FASTKD3: variants seen among roughly 807,000 people sequenced by gnomAD.
The protein encoded by FASTKD3 is FAST kinase domain-containing protein 3, mitochondrial.
Under a neutral mutation model 49.7 loss-of-function variants are expected in FASTKD3, and 47 were observed. The ratio of observed to expected loss-of-function variants is 0.95; its 90% CI spans 0.75 to 1.21. The LOEUF (loss-of-function observed/expected upper bound fraction) is 1.21, where lower values mean the gene tolerates loss of function less well. FASTKD3 is among the 50% of genes most tolerant of loss of function. The pLI is 0.00. For missense variants in FASTKD3, 748 were observed against 765.7 expected (o/e 0.98, Z 0.27); for synonymous variants, 284 against 288.6 (o/e 0.98, Z 0.16).
chr5:7,861,744 C>T (rs768296653), intron 4 of FASTKD3, 92 bp from the exon 5 acceptor site: 70 of 1,526,390 alleles, frequency 4.6e-5, no homozygotes, highest in Non-Finnish European at 5.9e-5. Context: ...TTGATTCCTT[C>T]CACCTTGCAT....
chr5:7,861,196 C>T lies in FASTKD3; in HGVS notation c.1837G>A (p.Ala613Thr). The change falls in exon 6 of 7, where the codon GCT becomes ACT. Residue 613 changes from alanine (A) to threonine (T), a missense_variant. Ala to Thr is a moderately conservative substitution (Grantham distance 58, BLOSUM62 0). Transcript: ENST00000264669. ...AACTGTAGGTGTCTTTGTTTAATAG[C>T]TTCTTTCCCCAGTAAGTGTTTGCTA... ...SNSKHLLGKEAIKQRHLQLLG... is the reference protein window; with the variant it reads ...SNSKHLLGKETIKQRHLQLLG... 1 of 1,612,692 alleles carries T rather than the reference C, an allele frequency of 6.2e-7. No homozygotes were observed. The highest frequency in any genetic ancestry group is 1.7e-5 in the Admixed American group (1 of 60,014).
At chr5:7,863,308 T>G in intron 3 of FASTKD3, 1 of 301,818 alleles carries the variant, frequency 3.3e-6, no homozygotes, top group Non-Finnish European at 6.2e-6. Flanking sequence ...ATAATAATGC[T>G]AACAGTTCAA....
At chr5:7,863,192 C>T (rs1325206247) in intron 3 of FASTKD3, 195 bp from the exon 4 acceptor site, 5 of 569,710 alleles carry the variant, frequency 8.8e-6, no homozygotes, top group African/African-American at 1.9e-5. Flanking sequence ...TCTAATAGTT[C>T]AAAATGTCTT....
Position 7,868,161 on chromosome 5 carries a change from C to A in FASTKD3, c.-78G>T. 1.4e-6 allele frequency: 1 copy of A among 700,596 alleles called. No homozygotes were observed. Among genetic ancestry groups the A allele is most frequent in the Non-Finnish European group, 2.1e-6 (1 of 466,318 alleles). 43.4% of individuals were successfully genotyped at this position (700,596 alleles called of 1,614,324 possible). On this transcript the variant is annotated 5_prime_UTR_variant, in exon 2 of 7. Coordinates refer to ENST00000264669, the MANE Select transcript of FASTKD3 (RefSeq NM_024091.4). ...TTAAATACATTGAGAACATGATTGA[C>A]CCAACATCAATGTTTATGAAACTAC... is the stretch of plus-strand genomic sequence containing the variant.
chr5:7,863,851 T>C (rs760782424), intron 3 of FASTKD3, among the ~76,000 whole-genome samples: 2 of 152,070 alleles, frequency 1.3e-5, no homozygotes, highest in Non-Finnish European at 2.9e-5. Flanking sequence ...TTTTTGTTTG[T>C]TTTTGTTTTT....
At position 7,866,810 on chromosome 5, in the gene FASTKD3, G is replaced by A. The variant is rs1188742726; in HGVS notation, c.1274C>T (p.Ala425Val). Residue 425 changes from alanine (A) to valine (V), a missense_variant, in exon 2 of 7, where the codon GCC (alanine) becomes GTC (valine). Transcript: ENST00000264669. Reference protein sequence around the residue: ...FGKLNYLPPNASALFRKLENV... With the variant: ...FGKLNYLPPNVSALFRKLENV... ...TTCCAGCTTTCTAAATAAAGCAGAG[G>A]CATTTGGTGGCAAATAATTGAGTTT... is the stretch of plus-strand genomic sequence containing the variant. 3.1e-6 allele frequency: 5 copies of A among 1,614,144 alleles called. No individual in the cohort carries two copies. Among genetic ancestry groups the A allele is most frequent in the Admixed American group, 1.7e-5 (1 of 60,018 alleles).
chr5:7,860,451 G>A (rs1014698635), intron 6 of FASTKD3, among the ~76,000 whole-genome samples: 1 of 152,130 alleles, frequency 6.6e-6, no homozygotes, highest in African/African-American at 2.4e-5. Context: ...AATTAAAACA[G>A]AACATATATT....
chr5:7,864,270 A>G (rs988964553), intron 3 of FASTKD3, among the ~76,000 whole-genome samples: 1 of 147,770 alleles, frequency 6.8e-6, no homozygotes, highest in Non-Finnish European at 1.5e-5. Context: ...CAACATGAAC[A>G]TAATAAGTAT....
Position 7,866,798 on chromosome 5 carries a change from A to T in FASTKD3, c.1286T>A (p.Phe429Tyr). ...NYLPPNASAL[F>Y]RKLENVLFTH... is the part of the protein sequence containing the mutation. Reference sequence around the variant, plus strand: ...GAATAGCACGTTTTCCAGCTTTCTAAATAAAGCAGAGGCATTTGGTGGCAA... The same window carrying T: ...GAATAGCACGTTTTCCAGCTTTCTATATAAAGCAGAGGCATTTGGTGGCAA... Residue 429 changes from phenylalanine (F) to tyrosine (Y), a missense_variant, in exon 2 of 7, where the codon TTT (phenylalanine) becomes TAT (tyrosine). This residue lies in a region of FASTKD3 where 564 missense variants were observed against 562.8 expected (regional missense o/e 1.00). Transcript: ENST00000264669. 1 of 1,614,198 alleles carries T rather than the reference A, an allele frequency of 6.2e-7. No individual in the cohort carries two copies. The highest frequency in any genetic ancestry group is 1.1e-5 in the South Asian group (1 of 91,072).
chr5:7,865,825 A>G, intron 3 of FASTKD3, 73 bp downstream of exon 3: 4 of 1,162,182 alleles, frequency 3.4e-6, no homozygotes, highest in Non-Finnish European at 5.2e-6. Flanking sequence ...ATTGAGACAG[A>G]TCAGAAGTAA....
rs34274545 is a variant in FASTKD3, at chr5:7,868,200, G to GAAAAA, written c.-113-9_-113-5dup. On this transcript the variant is annotated splice_polypyrimidine_tract_variant and splice_region_variant and intron_variant, in intron 1 of 6. Transcript: ENST00000264669. ...TTATGAAACTACAAACGAGTATCTGGAAAAAAAAAAAAAAAAAAAAAAAGG... is the reference window on the plus strand; with the variant it reads ...TTATGAAACTACAAACGAGTATCTGGAAAAAAAAAAAAAAAAAAAAAAAAAAAAGG... 5 of 225,018 alleles carry GAAAAA rather than the reference G, an allele frequency of 2.2e-5. No homozygotes were observed. The highest frequency in any genetic ancestry group is 1.1e-4 in the South Asian group (1 of 8,708). 13.9% of individuals were successfully genotyped at this position (225,018 alleles called of 1,614,324 possible).
In FASTKD3 at chr5:7,862,886, TAGTC is replaced by T; in HGVS notation, c.1632_1635del (p.Asn546PhefsTer2). 6.2e-7 allele frequency: 1 copy of T among 1,614,108 alleles called. No homozygotes were observed. Among genetic ancestry groups the T allele is most frequent in the Non-Finnish European group, 8.5e-7 (1 of 1,179,966 alleles). On this transcript the variant is annotated frameshift_variant, in exon 4 of 7. Coordinates refer to ENST00000264669, the MANE Select transcript of FASTKD3 (RefSeq NM_024091.4). LOFTEE classifies it high-confidence loss of function. ...AAATATAATCTTGCTCCTAAAAGGT[TAGTC>T]AGCCCAATCTTCACATATCTATAAA...
intron 4 of FASTKD3, 141 bp from the exon 5 acceptor site, chr5:7,861,793 A>G: frequency 7.2e-7 from 1 of 1,397,916 alleles, no homozygotes; most frequent in Non-Finnish European, 9.3e-7. Context: ...AATGACCACA[A>G]CCAAACAATG....
Position 7,868,015 on chromosome 5 carries a change from A to T in FASTKD3, c.69T>A (p.Ala23=). The part of the protein sequence containing the change: ...LSDFQMHRAL[A]ALKNKPLNHV... ...GATTTAGAGGTTTATTTTTTAAAGCAGCCAGAGCTCTATGCATCTGAAAAT... is the reference window on the plus strand; with the variant it reads ...GATTTAGAGGTTTATTTTTTAAAGCTGCCAGAGCTCTATGCATCTGAAAAT... The change falls in exon 2 of 7, where the codon GCT becomes GCA. Residue 23 remains alanine (A), a synonymous_variant. Coordinates refer to ENST00000264669, the MANE Select transcript of FASTKD3 (RefSeq NM_024091.4). 6.2e-7 allele frequency: 1 copy of T among 1,614,092 alleles called. No homozygotes were observed. Among genetic ancestry groups the T allele is most frequent in the Non-Finnish European group, 8.5e-7 (1 of 1,180,034 alleles).
chr5:7,859,737 A>G (rs951376221), intron 6 of FASTKD3, among the ~76,000 whole-genome samples, 198 bp from the exon 7 acceptor site: 2 of 152,358 alleles, frequency 1.3e-5, no homozygotes, highest in Admixed American at 6.5e-5. Context: ...GGGGCTTGGT[A>G]AATATTTGAT....
chr5:7,867,856 G>A lies in FASTKD3; in HGVS notation c.228C>T (p.Leu76=), dbSNP rs1363590407. ...ATACTTGAGAGAACACTGGTCCACC[G>A]AGTGGATGAAGGTCATTTCCATTTT... ...HSKNGNDLHP[L]GGPVFSQVSD... is the part of the protein sequence containing the mutation. The change falls in exon 2 of 7, where the codon CTC becomes CTT. Residue 76 remains leucine, a synonymous_variant. Coordinates refer to ENST00000264669, the MANE Select transcript of FASTKD3 (RefSeq NM_024091.4). The A allele has an allele frequency of 1.9e-6, 3 of 1,614,046 alleles. No individual in the cohort carries two copies. The highest frequency in any genetic ancestry group is 3.3e-5 in the Admixed American group (2 of 60,010).
At position 7,859,450 on chromosome 5, in the gene FASTKD3, A is replaced by C. The variant is rs1450820582; in HGVS notation, c.1974T>G (p.His658Gln). ...QRKLFSQNTV[H>Q]WLQE Reference sequence around the variant, plus strand: ...AAGTCAGTATTCATTCTTGCAACCAATGAACAGTGTTTTGAGAAAACAGTT... The same window carrying C: ...AAGTCAGTATTCATTCTTGCAACCACTGAACAGTGTTTTGAGAAAACAGTT... Residue 658 changes from histidine (H) to glutamine (Q), a missense_variant, in exon 7 of 7, where the codon CAT becomes CAG. This residue lies in a region of FASTKD3 where 178 missense variants were observed against 182.2 expected (regional missense o/e 0.98). Transcript: ENST00000264669. 7 of 1,601,424 alleles carry C rather than the reference A, an allele frequency of 4.4e-6. No individual in the cohort carries two copies. Among genetic ancestry groups the C allele is most frequent in the Non-Finnish European group, 6.0e-6 (7 of 1,172,458 alleles).
rs1746516015 is a variant in FASTKD3 at position 7,861,356 on chromosome 5, G to C, written c.1770-93C>G. Reference sequence around the variant, plus strand: ...AGTTGCCAAAGTTTATTTGGGATTTGGCTATTACTATGTGCCAATATTATT... The same window carrying C: ...AGTTGCCAAAGTTTATTTGGGATTTCGCTATTACTATGTGCCAATATTATT... On this transcript the variant is annotated intron_variant, in intron 5 of 6. Coordinates refer to ENST00000264669, the MANE Select transcript of FASTKD3 (RefSeq NM_024091.4). The C allele has an allele frequency of 5.7e-6, 4 of 704,322 alleles. No individual in the cohort carries two copies. In the South Asian group the frequency reaches 1.4e-4, roughly 24 times the overall value. The allele number at this position is 704,322 out of a possible 1,614,324, so 43.6% of individuals were successfully genotyped here. A position where few individuals can be genotyped will look rare whatever the true frequency, so the allele number is the denominator to read the frequency against.
intron 6 of FASTKD3, 56 bp from the exon 7 acceptor site, chr5:7,859,595 T>A: frequency 8.9e-7 from 1 of 1,127,856 alleles, no homozygotes; most frequent in South Asian, 1.4e-5. Context: ...GAGGTTCCTC[T>A]GGCTATTGGT....
Sources: gnomAD v4.1 joint callset for allele counts (sites outside exome capture counted in the v4.1 genomes callset) on GRCh38, gnomAD v4.1.1 for gene constraint, gnomAD v4.1.1 regional missense constraint, MANE v1.5 for transcripts, NCBI Gene and HGNC (gene_info 2026-07-23, HGNC 2026-07-21) for gene names.